The following DENND1A variants were observed in gnomAD, a reference collection of about 807,000 sequenced individuals.
DENND1A encodes the protein DENN domain-containing protein 1A.
Under a neutral mutation model 113.7 loss-of-function variants are expected in DENND1A, and 51 were observed. The observed-to-expected ratio is 0.45, with a 90% CI of 0.36 to 0.57. The LOEUF (loss-of-function observed/expected upper bound fraction) is 0.57. DENND1A is among the 20% of genes least tolerant of loss of function. The probability of loss-of-function intolerance (pLI) is 0.00; values close to 1 mark genes in which losing one functional copy is unlikely to be tolerated. For synonymous variants in DENND1A, 565 were observed against 570.8 expected (o/e 0.99, Z 0.14); for missense variants, 1,258 against 1,395.9 (o/e 0.90, Z 1.57).
At chr9:123,671,922 A>C (rs1484490666) in intron 6 of DENND1A, among the ~76,000 whole-genome samples, 1 of 152,256 alleles carries the variant, frequency 6.6e-6, no homozygotes, top group African/African-American at 2.4e-5. Context: ...CATACAAAGC[A>C]ATGCAAATTA....
At chr9:123,406,961 A>C (rs1337092887) in intron 20 of DENND1A, among the ~76,000 whole-genome samples, 1 of 152,160 alleles carries the variant, frequency 6.6e-6, no homozygotes, top group African/African-American at 2.4e-5. Flanking sequence ...GGGGGGATTA[A>C]GTTTGTGGCA....
intron 2 of DENND1A, among the ~76,000 whole-genome samples, chr9:123,872,692 A>C (rs945224113): frequency 5.9e-5 from 9 of 152,206 alleles, no homozygotes; most frequent in Non-Finnish European, 1.3e-4. Context: ...AATGGAAAAA[A>C]ACACACACAC....
chr9:123,553,371 G>A (rs1033350184), intron 13 of DENND1A, among the ~76,000 whole-genome samples: 2 of 151,378 alleles, frequency 1.3e-5, no homozygotes, highest in Non-Finnish European at 2.9e-5. Context: ...TCTCTGAGGG[G>A]GGCCTGGACA....
At chr9:123,728,500 AAAAAAAAAAAC>A (rs2067904040) in intron 5 of DENND1A, among the ~76,000 whole-genome samples, 1 of 146,984 alleles carries the variant, frequency 6.8e-6, no homozygotes, top group African/African-American at 2.6e-5. Flanking sequence ...AAAAAAAAAA[AAAAAAAAAAAC>A]AGGCATCAGT....
intron 1 of DENND1A, among the ~76,000 whole-genome samples, chr9:123,925,384 A>G (rs1275469792): frequency 2.0e-5 from 3 of 152,074 alleles, no homozygotes; most frequent in African/African-American, 7.2e-5. Flanking sequence ...CCTCCCCAGA[A>G]GACAGTCTCT....
chr9:123,926,113 G>A (rs1857039939), intron 1 of DENND1A, among the ~76,000 whole-genome samples: 3 of 152,186 alleles, frequency 2.0e-5, no homozygotes, highest in African/African-American at 7.2e-5. Flanking sequence ...AATACCTGTT[G>A]AAGATTGTCA....
intron 1 of DENND1A, among the ~76,000 whole-genome samples, chr9:123,885,251 CT>C (rs1213234611): frequency 2.6e-5 from 4 of 152,202 alleles, no homozygotes; most frequent in Non-Finnish European, 5.9e-5. Flanking sequence ...GGCACTGATA[CT>C]TTTTAATTCC....
intron 16 of DENND1A, 45 bp from the exon 17 acceptor site, chr9:123,452,392 C>T (rs1184731564): frequency 1.4e-6 from 2 of 1,461,262 alleles, no homozygotes; most frequent in South Asian, 2.3e-5. Context: ...AAGACAGAGT[C>T]ATCCAACACC....
rs549127881 is a variant in DENND1A at position 123,460,042 on chromosome 9, T to TG, written c.994-2146dup. 1.1e-3 allele frequency among the ~76,000 whole-genome samples: 172 copies of TG among 152,310 alleles called. 1 individual carries two copies. Among genetic ancestry groups the TG allele is most frequent in the African/African-American group, 3.8e-3 (156 of 41,566 alleles). ...CATAGATATATAAAAAGTATTTGTT[T>TG]GGGAAAAAAGTAGCTGGGTATGTAT... On this transcript the variant is annotated intron_variant, in intron 13 of 23. Transcript: ENST00000394215.
At chr9:123,470,528 T>A (rs1487810291) in intron 13 of DENND1A, among the ~76,000 whole-genome samples, 1 of 152,176 alleles carries the variant, frequency 6.6e-6, no homozygotes. Context: ...AGAGGACACG[T>A]GTCAGGGACC....
Position 123,888,956 on chromosome 9 carries a change from C to CTGTGTGTGTG in DENND1A, c.18-9945_18-9936dup, listed in dbSNP as rs58270598. On this transcript the variant is annotated intron_variant, in intron 1 of 23. Transcript: ENST00000394215. ...CATCAGGTCAATACCGTGCTTTAAA[C>CTGTGTGTGTG]TGTGTGTGTGTGTGTGTGTGTGTGT... Among the ~76,000 whole-genome samples, 860 of 131,138 alleles carry CTGTGTGTGTG rather than the reference C, an allele frequency of 6.6e-3. 14 individuals carry two copies. The highest frequency in any genetic ancestry group is 0.02 in the African/African-American group (688 of 33,864). 86.0% of individuals were successfully genotyped at this position (131,138 alleles called of 152,430 possible). A position where few individuals can be genotyped will look rare whatever the true frequency, so the allele number is the denominator to read the frequency against.
rs1837719174 is a variant in DENND1A, at chr9:123,817,679, TTA to T, written c.89-25051_89-25050del. On this transcript the variant is annotated intron_variant, in intron 2 of 23. Transcript: ENST00000394215. ...GATTAGGTATTACATTATAAACATC[TTA>T]AAAATGTGTACTAACCCTTTGACCA... 2.0e-5 allele frequency among the ~76,000 whole-genome samples: 3 copies of T among 152,310 alleles called. No homozygotes were observed. The South Asian group carries it at 6.2e-4, about 32-fold the overall frequency.
chr9:123,630,569 A>G (rs553012940), intron 9 of DENND1A, 93 bp from the exon 10 acceptor site: 1 of 789,076 alleles, frequency 1.3e-6, no homozygotes, highest in African/African-American at 1.8e-5. Context: ...ATTCTTCAAT[A>G]TGTTTACATG....
intron 11 of DENND1A, among the ~76,000 whole-genome samples, chr9:123,600,058 G>A (rs2059875077): frequency 1.3e-5 from 2 of 152,088 alleles, no homozygotes; most frequent in Admixed American, 6.5e-5. Flanking sequence ...CAATGGCCCC[G>A]CCCCTAATCA....
chr9:123,790,770 C>A (rs1327078736), intron 3 of DENND1A, among the ~76,000 whole-genome samples: 9 of 152,114 alleles, frequency 5.9e-5, no homozygotes, highest in Non-Finnish European at 1.2e-4. Flanking sequence ...TCAGTACACA[C>A]ATATGCAAGA....
At chr9:123,608,339 C>T (rs1589332329) in intron 11 of DENND1A, among the ~76,000 whole-genome samples, 1 of 152,116 alleles carries the variant, frequency 6.6e-6, no homozygotes, top group South Asian at 2.1e-4. Flanking sequence ...TGGTCCTCGT[C>T]GACGTGAAAT....
chr9:123,672,239 G>T (rs776150158), intron 6 of DENND1A, among the ~76,000 whole-genome samples: 9 of 152,078 alleles, frequency 5.9e-5, no homozygotes, highest in Non-Finnish European at 1.3e-4. Flanking sequence ...TGAATTTAAC[G>T]AAAGGAAAAA....
At chr9:123,593,378 T>A (rs1371320234) in intron 11 of DENND1A, among the ~76,000 whole-genome samples, 2 of 152,146 alleles carry the variant, frequency 1.3e-5, no homozygotes, top group Non-Finnish European at 2.9e-5. Flanking sequence ...CCAGTAAGCA[T>A]CATCTACTCT....
intron 21 of DENND1A, among the ~76,000 whole-genome samples, chr9:123,390,611 C>G (rs930614416): frequency 1.3e-5 from 2 of 152,246 alleles, no homozygotes; most frequent in African/African-American, 4.8e-5. Flanking sequence ...TGCACCCAAC[C>G]AAGAGGCGCT....
Sources: allele counts gnomAD v4.1 joint callset (sites outside exome capture counted in the v4.1 genomes callset), GRCh38; gene constraint gnomAD v4.1.1; transcripts MANE v1.5; gene names NCBI Gene and HGNC (gene_info 2026-07-23, HGNC 2026-07-21).